Variants in MGAT4C observed in about 807,000 individuals in gnomAD.
The protein encoded by MGAT4C is alpha-1,3-mannosyl-glycoprotein 4-beta-N-acetylglucosaminyltransferase C.
In MGAT4C, 19 loss-of-function variants were observed where a neutral mutation model predicts 40.1. The observed-to-expected ratio is 0.47, with a 90% CI of 0.33 to 0.70. The LOEUF is 0.70. MGAT4C is among the 30% of genes least tolerant of loss of function. The probability of loss-of-function intolerance (pLI) is 0.02; values close to 1 mark genes in which losing one functional copy is unlikely to be tolerated. For synonymous variants in MGAT4C, 181 were observed against 187.1 expected (o/e 0.97, Z 0.27); for missense variants, 491 against 563.2 (o/e 0.87, Z 1.30).
chr12:86,707,400 G>T (rs571554701), intron 2 of MGAT4C, among the ~76,000 whole-genome samples: 1 of 152,280 alleles, frequency 6.6e-6, no homozygotes, highest in Admixed American at 6.5e-5. Context: ...TTGGGAACTG[G>T]AGCAAAGGTG....
intron 1 of MGAT4C, among the ~76,000 whole-genome samples, chr12:86,105,564 C>A (rs1243016484): frequency 6.6e-6 from 1 of 152,058 alleles, no homozygotes; most frequent in East Asian, 1.9e-4. Flanking sequence ...GAGGGAAGAA[C>A]AGAACTGTAA....
In MGAT4C at chr12:86,174,124, T is replaced by TACACATACAC. The variant is rs1555238506; in HGVS notation, c.-57+82114_-57+82115insGTGTATGTGT. 2.2e-4 allele frequency among the ~76,000 whole-genome samples: 31 copies of TACACATACAC among 143,918 alleles called. No homozygotes were observed. In the East Asian group the frequency reaches 5.9e-3, roughly 27 times the overall value. The allele number at this position is 143,918 out of a possible 152,430, so 94.4% of individuals were successfully genotyped here. On this transcript the variant is annotated intron_variant, in intron 1 of 4. Transcript: ENST00000611864. ...TTACCAAAAAAGACACACACACACA[T>TACACATACAC]ACACACACACACACACACACACACA...
intron 3 of MGAT4C, among the ~76,000 whole-genome samples, chr12:86,417,304 C>A (rs1950159): frequency 0.099 from 14,998 of 151,916 alleles, 997 homozygotes; most frequent in Middle Eastern, 0.25. Flanking sequence ...AATAGAATGA[C>A]CACAGTGTTC....
intron 4 of MGAT4C, among the ~76,000 whole-genome samples, chr12:86,283,865 G>A (rs1420459404): frequency 1.3e-5 from 2 of 152,040 alleles, no homozygotes; most frequent in African/African-American, 4.8e-5. Flanking sequence ...ACAGTATATC[G>A]CTATATGGAA....
intron 3 of MGAT4C, among the ~76,000 whole-genome samples, chr12:86,387,367 A>G (rs933706475): frequency 6.6e-6 from 1 of 151,920 alleles, no homozygotes; most frequent in African/African-American, 2.4e-5. Context: ...ATATATACAT[A>G]TATGTTTATA....
intron 1 of MGAT4C, among the ~76,000 whole-genome samples, chr12:86,763,559 T>C (rs753905481): frequency 6.6e-6 from 1 of 152,348 alleles, no homozygotes; most frequent in South Asian, 2.1e-4. Context: ...TCCATATCTA[T>C]GCTTTGAATA....
At chr12:86,197,691 TAGAC>T (rs2135923121) in intron 1 of MGAT4C, among the ~76,000 whole-genome samples, 1 of 152,286 alleles carries the variant, frequency 6.6e-6, no homozygotes, top group Admixed American at 6.5e-5. Flanking sequence ...CAAACTAAGA[TAGAC>T]AGACAGATAG....
chr12:86,392,379 A>G (rs551088767), intron 3 of MGAT4C, among the ~76,000 whole-genome samples: 90 of 152,058 alleles, frequency 5.9e-4, no homozygotes, highest in African/African-American at 2.1e-3. Flanking sequence ...GGCTGAGGCA[A>G]AAGAATCACT....
chr12:86,385,809 C>A (rs569481710), intron 3 of MGAT4C, among the ~76,000 whole-genome samples: 3 of 152,290 alleles, frequency 2.0e-5, no homozygotes, highest in Admixed American at 1.3e-4. Context: ...TCAGATAATA[C>A]CTCCTCACGG....
chr12:86,774,394 CTCCT>C (rs1460554450), intron 1 of MGAT4C, among the ~76,000 whole-genome samples: 1 of 89,670 alleles, frequency 1.1e-5, no homozygotes, highest in East Asian at 3.2e-4. Context: ...CTCTCTCTCT[CTCCT>C]CTCTCTCTCT....
At chr12:86,473,440 C>T (rs1334512155) in intron 2 of MGAT4C, among the ~76,000 whole-genome samples, 1 of 152,166 alleles carries the variant, frequency 6.6e-6, no homozygotes, top group Non-Finnish European at 1.5e-5. Flanking sequence ...ACATTTATCA[C>T]TGATACATAT....
chr12:86,707,780 C>T (rs1488419752), intron 2 of MGAT4C, among the ~76,000 whole-genome samples: 2 of 152,054 alleles, frequency 1.3e-5, no homozygotes, highest in African/African-American at 2.4e-5. Flanking sequence ...ATCTACATAC[C>T]TCAGCCTCCC....
chr12:86,373,459 C>A (rs945114675), intron 3 of MGAT4C, among the ~76,000 whole-genome samples: 2 of 151,748 alleles, frequency 1.3e-5, no homozygotes, highest in Admixed American at 6.6e-5. Flanking sequence ...CAATATGTAC[C>A]TCATATTGTA....
chr12:86,658,314 CA>C (rs983597497), intron 2 of MGAT4C, among the ~76,000 whole-genome samples: 1 of 152,018 alleles, frequency 6.6e-6, no homozygotes, highest in Admixed American at 6.6e-5. Flanking sequence ...ATGGATCTGA[CA>C]AAGTGTTTAG....
intron 2 of MGAT4C, among the ~76,000 whole-genome samples, chr12:86,029,935 A>AAAT (rs1890589782): frequency 1.3e-5 from 2 of 151,856 alleles, no homozygotes; most frequent in Admixed American, 1.3e-4. Context: ...ATTTAATAAT[A>AAAT]AACATTAAGT....
chr12:86,692,191 G>C (rs1491001272), intron 2 of MGAT4C, among the ~76,000 whole-genome samples: 1 of 152,164 alleles, frequency 6.6e-6, no homozygotes, highest in East Asian at 1.9e-4. Context: ...AGAGGAAAGA[G>C]AGAATGGGAC....
intron 3 of MGAT4C, among the ~76,000 whole-genome samples, chr12:86,339,872 G>A (rs1350436174): frequency 6.6e-6 from 1 of 152,022 alleles, no homozygotes; most frequent in African/African-American, 2.4e-5. Context: ...CCAAATCTTA[G>A]ATTGGTAGCT....
chr12:86,796,158 T>C (rs1312792228), intron 1 of MGAT4C, among the ~76,000 whole-genome samples: 2 of 150,062 alleles, frequency 1.3e-5, no homozygotes, highest in Non-Finnish European at 3.0e-5. Context: ...TTTTTTTTCA[T>C]GTCTGCTGTC....
At chr12:86,030,822 T>C (rs1890694843) in intron 2 of MGAT4C, among the ~76,000 whole-genome samples, 1 of 151,702 alleles carries the variant, frequency 6.6e-6, no homozygotes, top group African/African-American at 2.4e-5. Flanking sequence ...AGAAGAAAAA[T>C]TCAATGCCAA....
Sources: allele counts gnomAD v4.1 joint callset (sites outside exome capture counted in the v4.1 genomes callset), GRCh38; gene constraint gnomAD v4.1.1; transcripts MANE v1.5; gene names NCBI Gene and HGNC (gene_info 2026-07-23, HGNC 2026-07-21).